GNB5: variants seen among roughly 807,000 people sequenced by gnomAD.
GNB5 encodes the protein guanine nucleotide-binding protein subunit beta-5.
GNB5 carries 37 observed loss-of-function variants against 55.3 expected under a neutral mutation model. That is an observed-to-expected ratio of 0.67 (90% CI 0.51 to 0.88). GNB5 has a LOEUF of 0.88. Ranked by LOEUF, GNB5 falls within the 40% of genes least tolerant of loss-of-function variation. The pLI, the probability that GNB5 is intolerant of heterozygous loss-of-function variation, is 0.00. For missense variants in GNB5, 476 were observed against 515.3 expected (o/e 0.92, Z 0.74); for synonymous variants, 219 against 198.5 (o/e 1.10, Z -0.87).
At chr15:52,132,636 A>ATTTTTTTTTTAT (rs2033606955) in intron 9 of GNB5, among the ~76,000 whole-genome samples, 1 of 134,802 alleles carries the variant, frequency 7.4e-6, no homozygotes. Context: ...TGCCCTGCTA[A>ATTTTTTTTTTAT]TTTTTTTTTT....
At chr15:52,188,237 G>A (rs962287179) in intron 1 of GNB5, among the ~76,000 whole-genome samples, 6 of 152,146 alleles carry the variant, frequency 3.9e-5, no homozygotes, top group Non-Finnish European at 7.3e-5. Flanking sequence ...TGGGCCTTAA[G>A]TCGTATCACA....
intron 1 of GNB5, among the ~76,000 whole-genome samples, chr15:52,185,750 C>CTTTTTT (rs200299592): frequency 8.1e-6 from 1 of 123,690 alleles, no homozygotes; most frequent in East Asian, 2.2e-4. Context: ...GTGTATTCAT[C>CTTTTTT]TTTTTATTAT....
chr15:52,152,174 G>A (rs150983176), intron 4 of GNB5, among the ~76,000 whole-genome samples: 95 of 150,314 alleles, frequency 6.3e-4, no homozygotes, highest in Admixed American at 5.2e-3. Flanking sequence ...AACTGACACA[G>A]ACGTTACAGT....
In GNB5 at chr15:52,117,112, A is replaced by ATATATATATATAT. The variant is rs2033164287; in HGVS notation, c.*5644_*5645insATATATATATATA. The ATATATATATATAT allele has an allele frequency of 1.1e-5, 1 of 91,796 alleles. No homozygotes were observed. Among genetic ancestry groups the ATATATATATATAT allele is most frequent in the Non-Finnish European group, 1.9e-5 (1 of 53,262 alleles). The allele number at this position is 91,796 out of a possible 1,614,324, so 5.7% of individuals were successfully genotyped here. On this transcript the variant is annotated 3_prime_UTR_variant, in exon 13 of 13. Transcript: ENST00000261837. ...CTAATATATATATATATTTTTTTTT[A>ATATATATATATAT]GTACAGACAGGGTTTCACCGTGTTA...
intron 3 of GNB5, among the ~76,000 whole-genome samples, chr15:52,164,028 G>A (rs1006558840): frequency 6.6e-6 from 1 of 152,196 alleles, no homozygotes; most frequent in South Asian, 2.1e-4. Context: ...AAACAGCCGG[G>A]CACGGTGGCT....
At position 52,120,104 on chromosome 15, in the gene GNB5, C is replaced by T. The variant is rs2033229951; in HGVS notation, c.*2653G>A. 6.6e-6 allele frequency: 1 copy of T among 152,298 alleles called. No homozygotes were observed. Among genetic ancestry groups the T allele is most frequent in the African/African-American group, 2.4e-5 (1 of 41,446 alleles). The allele number at this position is 152,298 out of a possible 1,614,324, so 9.4% of individuals were successfully genotyped here. A position where few individuals can be genotyped will look rare whatever the true frequency, so the allele number is the denominator to read the frequency against. On this transcript the variant is annotated 3_prime_UTR_variant, in exon 13 of 13. Transcript: ENST00000261837. The stretch of plus-strand genomic sequence containing the variant: ...AATACCCATCACCCACACCTTTCTG[C>T]CTGAACTTTCTTTTTTCTGGCCCAG...
chr15:52,178,427 G>T (rs1279006252), intron 3 of GNB5, among the ~76,000 whole-genome samples: 1 of 152,174 alleles, frequency 6.6e-6, no homozygotes, highest in African/African-American at 2.4e-5. Context: ...TCCTGCCTTG[G>T]ATACAGAAGT....
intron 3 of GNB5, among the ~76,000 whole-genome samples, chr15:52,169,651 T>C (rs1164712957): frequency 1.4e-5 from 2 of 147,318 alleles, no homozygotes; most frequent in Admixed American, 6.8e-5. Flanking sequence ...ATTCAGGACA[T>C]AGTCATGGGC....
intron 3 of GNB5, among the ~76,000 whole-genome samples, chr15:52,162,497 G>A (rs972687359): frequency 1.3e-5 from 2 of 152,048 alleles, no homozygotes; most frequent in South Asian, 2.1e-4. Flanking sequence ...TAAAATATCC[G>A]TGAAAATAAA....
At chr15:52,187,739 AG>A (rs1368926950) in intron 1 of GNB5, among the ~76,000 whole-genome samples, 1 of 152,204 alleles carries the variant, frequency 6.6e-6, no homozygotes, top group African/African-American at 2.4e-5. Context: ...ACTTGAGGCC[AG>A]GAATTTGAGA....
chr15:52,149,761 A>C (rs2034051257), intron 5 of GNB5, 123 bp downstream of exon 5: 1 of 753,558 alleles, frequency 1.3e-6, no homozygotes, highest in Admixed American at 2.0e-5. Flanking sequence ...CCATCCGTAG[A>C]GGCAACTGCT....
chr15:52,185,727 C>T (rs1393183872), intron 1 of GNB5, among the ~76,000 whole-genome samples: 1 of 148,946 alleles, frequency 6.7e-6, no homozygotes. Context: ...CGTTCTAGTC[C>T]CCACTTTGAG....
intron 9 of GNB5, among the ~76,000 whole-genome samples, chr15:52,130,717 A>T (rs1030762641): frequency 6.6e-6 from 1 of 152,240 alleles, no homozygotes; most frequent in East Asian, 1.9e-4. Context: ...CCTGGAAACC[A>T]GGGGGGCTTT....
intron 9 of GNB5, among the ~76,000 whole-genome samples, chr15:52,132,010 C>A (rs182215466): frequency 6.6e-6 from 1 of 152,260 alleles, no homozygotes; most frequent in East Asian, 1.9e-4. Flanking sequence ...TCCCGCTATC[C>A]CTCCAGTCTT....
chr15:52,184,417 T>C, intron 2 of GNB5, 134 bp downstream of exon 2: 1 of 714,516 alleles, frequency 1.4e-6, no homozygotes, highest in Non-Finnish European at 2.4e-6. Context: ...CTCTGTACTA[T>C]ACTGCCTCAC....
Position 52,137,719 on chromosome 15 carries a change from G to A in GNB5, c.628-1963C>T, listed in dbSNP as rs550373817. The A allele has an allele frequency of 1.5e-5, 18 of 1,188,668 alleles. No homozygotes were observed. In the East Asian group the frequency reaches 8.2e-4, roughly 54 times the overall value. 73.6% of individuals were successfully genotyped at this position (1,188,668 alleles called of 1,614,324 possible). On this transcript the variant is annotated intron_variant, in intron 7 of 12. Transcript: ENST00000261837. ...ATACCTTCCTGGGATTGGGAGAAAG[G>A]CAGTGAGGACTCAGGGTTCGGGGCC... is the stretch of plus-strand genomic sequence containing the variant.
intron 3 of GNB5, among the ~76,000 whole-genome samples, chr15:52,178,018 C>G (rs980311947): frequency 2.6e-5 from 4 of 152,240 alleles, no homozygotes; most frequent in Admixed American, 1.3e-4. Context: ...AGCTGCATCT[C>G]TGCTCTCTGT....
intron 7 of GNB5, 182 bp from the exon 8 acceptor site, chr15:52,135,938 A>C: frequency 1.8e-6 from 1 of 561,906 alleles, no homozygotes; most frequent in Non-Finnish European, 3.0e-6. Flanking sequence ...TCTCTCTCCT[A>C]TACAAAGAAG....
chr15:52,146,111 C>T (rs575000617), intron 6 of GNB5, among the ~76,000 whole-genome samples: 3 of 152,046 alleles, frequency 2.0e-5, no homozygotes, highest in African/African-American at 2.4e-5. Flanking sequence ...CACCCGCCAC[C>T]GTGCCCGGCT....
Sources: gnomAD v4.1 joint callset for allele counts (sites outside exome capture counted in the v4.1 genomes callset) on GRCh38, gnomAD v4.1.1 for gene constraint, MANE v1.5 for transcripts, NCBI Gene and HGNC (gene_info 2026-07-23, HGNC 2026-07-21) for gene names.